Variants in RNF17 observed in about 807,000 individuals in gnomAD.
RNF17 encodes the protein ring finger protein 17.
Under a neutral mutation model 200.5 loss-of-function variants are expected in RNF17, and 31 were observed. The observed-to-expected ratio is 0.15, with a 90% CI of 0.12 to 0.21. The LOEUF (loss-of-function observed/expected upper bound fraction) is 0.21. Among genes scored for constraint, RNF17 ranks in the 10% least tolerant of loss-of-function variants. The probability of loss-of-function intolerance (pLI) is 1.00; values close to 1 mark genes in which losing one functional copy is unlikely to be tolerated. For synonymous variants in RNF17, 606 were observed against 637.8 expected, an observed-to-expected ratio of 0.95 and a Z score of 0.75; for missense variants, 1,628 against 1,905.1, an observed-to-expected ratio of 0.85 and a Z score of 2.71.
chr13:24,866,713 G>A (rs1250993727), intron 30 of RNF17, among the ~76,000 whole-genome samples: 1 of 151,678 alleles, frequency 6.6e-6, no homozygotes, highest in African/African-American at 2.4e-5. Context: ...TGGTGGTTGC[G>A]AGTAATGCTG....
chr13:24,832,517 T>C (rs1004720836), intron 18 of RNF17, among the ~76,000 whole-genome samples: 2 of 152,124 alleles, frequency 1.3e-5, no homozygotes, highest in Non-Finnish European at 2.9e-5. Context: ...AGCAGCAAAA[T>C]TGGTTCTGAA....
intron 17 of RNF17, among the ~76,000 whole-genome samples, chr13:24,831,366 C>T (rs1005107192): frequency 6.6e-6 from 1 of 151,980 alleles, no homozygotes; most frequent in South Asian, 2.1e-4. Context: ...TGCTTGAACC[C>T]GGGAGGCGGA....
rs898188575 is a variant in RNF17 at position 24,767,355 on chromosome 13, C to G, written c.214C>G (p.Pro72Ala). The G allele has an allele frequency of 3.8e-6, 6 of 1,594,538 alleles. No individual in the cohort carries two copies. The African/African-American group carries it at 6.7e-5, about 18-fold the overall frequency. Residue 72 changes from proline to alanine, a missense_variant, in exon 2 of 36, where the codon CCT (proline) becomes GCT (alanine). Physicochemically the swap from Pro to Ala is conservative, Grantham distance 27. Coordinates refer to ENST00000255324, the MANE Select transcript of RNF17 (RefSeq NM_031277.3). Reference sequence around the variant, plus strand: ...TGAAGAATGCACCACAATTATATGCCCTGATTGTGAGGTAAGTGTTATAAT... The same window carrying G: ...TGAAGAATGCACCACAATTATATGCGCTGATTGTGAGGTAAGTGTTATAAT... ...MTEECTTIIC[P>A]DCEVATAVNT...
chr13:24,800,108 T>C (rs968100252), intron 12 of RNF17, among the ~76,000 whole-genome samples: 7 of 152,144 alleles, frequency 4.6e-5, no homozygotes, highest in Non-Finnish European at 8.8e-5. Context: ...GGAAGTGTCA[T>C]TATCTCCTTT....
downstream of RNF17, chr13:24,883,261 G>A (rs1593524570): frequency 5.6e-6 from 9 of 1,613,876 alleles, no homozygotes; most frequent in Admixed American, 3.3e-5. Context: ...CTTGATGACC[G>A]TTTGCATATA....
At chr13:24,836,990 A>C (rs1026589103) in intron 18 of RNF17, among the ~76,000 whole-genome samples, 2 of 152,066 alleles carry the variant, frequency 1.3e-5, no homozygotes, top group Non-Finnish European at 2.9e-5. Flanking sequence ...CTCACATAAC[A>C]CATAAGGACT....
intron 29 of RNF17, among the ~76,000 whole-genome samples, chr13:24,865,439 A>T (rs995240073): frequency 6.6e-6 from 1 of 152,198 alleles, no homozygotes; most frequent in East Asian, 1.9e-4. Context: ...CTTAGCTTCC[A>T]TAAGTGGCTC....
At chr13:24,832,617 A>C (rs1889539623) in intron 18 of RNF17, among the ~76,000 whole-genome samples, 1 of 152,068 alleles carries the variant, frequency 6.6e-6, no homozygotes, top group Non-Finnish European at 1.5e-5. Context: ...GCTGCCCCAG[A>C]CTCTGCTGGG....
intron 19 of RNF17, among the ~76,000 whole-genome samples, 189 bp downstream of exon 19, chr13:24,842,350 T>C (rs1430289292): frequency 6.6e-6 from 1 of 152,090 alleles, no homozygotes; most frequent in African/African-American, 2.4e-5. Context: ...GAGTGACTTT[T>C]CCCTCCATTA....
At chr13:24,791,547 T>G (rs1883861941) in intron 9 of RNF17, among the ~76,000 whole-genome samples, 1 of 152,154 alleles carries the variant, frequency 6.6e-6, no homozygotes, top group African/African-American at 2.4e-5. Flanking sequence ...TTAAGAGATC[T>G]TGGTCTTGAT....
chr13:24,850,200 A>C (rs1566221851), intron 22 of RNF17, 141 bp from the exon 23 acceptor site: 2 of 469,842 alleles, frequency 4.3e-6, no homozygotes, highest in Non-Finnish European at 7.4e-6. Context: ...AATAATACGA[A>C]TCCATGTTTA....
chr13:24,830,422 CTA>C, intron 16 of RNF17, 60 bp from the exon 17 acceptor site: 1 of 992,696 alleles, frequency 1.0e-6, no homozygotes, highest in Non-Finnish European at 1.6e-6. Context: ...ATAAACCAAT[CTA>C]AATTTTTCTA....
At position 24,781,827 on chromosome 13, in the gene RNF17, GTT is replaced by G. The variant is rs5802305; in HGVS notation, c.511-6_511-5del. On this transcript the variant is annotated splice_polypyrimidine_tract_variant and intron_variant, in intron 5 of 35. Coordinates refer to ENST00000255324, the MANE Select transcript of RNF17 (RefSeq NM_031277.3). ...AATTCCCAAATTAAGTTTTTGTCTTGTTTTTTTTTTTTCCAGGCACTTGAACA... is the reference window on the plus strand; with the variant it reads ...AATTCCCAAATTAAGTTTTTGTCTTGTTTTTTTTTTCCAGGCACTTGAACA... 12,420 of 986,084 alleles carry G rather than the reference GTT, an allele frequency of 0.013. 2 individuals carry two copies. The highest frequency in any genetic ancestry group is 0.015 in the South Asian group (818 of 53,838). The allele number at this position is 986,084 out of a possible 1,614,324, so 61.1% of individuals were successfully genotyped here. A position where few individuals can be genotyped will look rare whatever the true frequency, so the allele number is the denominator to read the frequency against.
the RNF17 span, chr13:24,751,756 A>AT: frequency 2.6e-4 from 39 of 152,036 alleles, no homozygotes; most frequent in African/African-American, 8.9e-4. Flanking sequence ...ATGCTTCTGG[A>AT]TTGTCATTTT....
intron 11 of RNF17, among the ~76,000 whole-genome samples, chr13:24,798,999 A>G (rs1322011947): frequency 1.3e-5 from 2 of 152,194 alleles, no homozygotes; most frequent in Non-Finnish European, 2.9e-5. Flanking sequence ...TGTGTATGTC[A>G]GTGTACATGT....
At chr13:24,886,572 C>T in the RNF17 span, among the ~76,000 whole-genome samples, 3 of 152,142 alleles carry the variant, frequency 2.0e-5, no homozygotes, top group Admixed American at 2.0e-4. Context: ...ACTGGGAGTA[C>T]ACAGGGGTTT....
intron 16 of RNF17, among the ~76,000 whole-genome samples, chr13:24,828,505 A>G (rs1889004802): frequency 6.6e-6 from 1 of 152,090 alleles, no homozygotes; most frequent in African/African-American, 2.4e-5. Context: ...TCCTTCTTCT[A>G]ATATGTAATA....
In RNF17 at chr13:24,855,430, C is replaced by G. The variant is rs933099098; in HGVS notation, c.3610+1286C>G. On this transcript the variant is annotated intron_variant, in intron 25 of 35. Transcript: ENST00000255324. Reference sequence around the variant, plus strand: ...GGATCACAAGGTCAGGAGTTTGAGACCAGCCTGGCCAACATGGTGAAACCC... The same window carrying G: ...GGATCACAAGGTCAGGAGTTTGAGAGCAGCCTGGCCAACATGGTGAAACCC... Among the ~76,000 whole-genome samples, 3 of 152,104 alleles carry G rather than the reference C, an allele frequency of 2.0e-5. No individual in the cohort carries two copies. The South Asian group carries it at 6.3e-4, about 32-fold the overall frequency.
intron 25 of RNF17, among the ~76,000 whole-genome samples, chr13:24,855,249 A>G (rs1334946951): frequency 6.6e-6 from 1 of 152,120 alleles, no homozygotes; most frequent in Non-Finnish European, 1.5e-5. Flanking sequence ...TTCTGTGATT[A>G]CAAAAAATCC....
Sources: allele counts gnomAD v4.1 joint callset (sites outside exome capture counted in the v4.1 genomes callset), GRCh38; gene constraint gnomAD v4.1.1; transcripts MANE v1.5; gene names NCBI Gene and HGNC (gene_info 2026-07-23, HGNC 2026-07-21).